The following HSP90AB1 variants were observed in gnomAD, a reference collection of about 807,000 sequenced individuals.
The protein encoded by HSP90AB1 is heat shock protein 90 alpha family class B member 1.
In HSP90AB1, 17 loss-of-function variants were observed where a neutral mutation model predicts 67.8. The ratio of observed to expected loss-of-function variants is 0.25; its 90% CI spans 0.17 to 0.38. The LOEUF is 0.38. Ranked by LOEUF, HSP90AB1 falls within the 10% of genes least tolerant of loss-of-function variation. The pLI is 1.00. For synonymous variants in HSP90AB1, 390 were observed against 312.9 expected, an observed-to-expected ratio of 1.25 and a Z score of -2.60; for missense variants, 690 against 899.9, an observed-to-expected ratio of 0.77 and a Z score of 2.98.
intron 11 of HSP90AB1, 21 bp downstream of exon 11, chr6:44,253,399 G>C: frequency 1.2e-6 from 2 of 1,604,384 alleles, no homozygotes. Context: ...TTGGTACTTG[G>C]TGTGGCAAGG....
Position 44,250,116 on chromosome 6 carries a change from A to C in HSP90AB1, c.610A>C (p.Lys204Gln). The C allele has an allele frequency of 1.2e-6, 2 of 1,614,206 alleles. No homozygotes were observed. The highest frequency in any genetic ancestry group is 1.7e-6 in the Non-Finnish European group (2 of 1,180,036). The change falls in exon 5 of 12, where the codon AAG (lysine) becomes CAG (glutamine). Residue 204 changes from lysine (K) to glutamine (Q), a missense_variant. By Grantham distance (53) the Lys-to-Gln change is moderately conservative. Coordinates refer to ENST00000371646, the MANE Select transcript of HSP90AB1 (RefSeq NM_007355.4). ...GAGGCGGGTCAAAGAAGTAGTGAAG[A>C]AGCATTCTCAGTTCATAGGCTATCC... ...EERRVKEVVK[K>Q]HSQFIGYPIT...
At chr6:44,252,852 T>G (rs999778915) in intron 10 of HSP90AB1, among the ~76,000 whole-genome samples, 193 bp from the exon 11 acceptor site, 2 of 151,798 alleles carry the variant, frequency 1.3e-5, no homozygotes, top group East Asian at 3.9e-4. Context: ...GTCTCCTGAG[T>G]GGCTGGGATT....
At chr6:44,253,428 C>T (rs768058451) in intron 11 of HSP90AB1, 50 bp downstream of exon 11, 34 of 1,603,386 alleles carry the variant, frequency 2.1e-5, no homozygotes, top group East Asian at 8.9e-5. Flanking sequence ...CAACTCGTCT[C>T]CTCTATGGAT....
At chr6:44,252,369 C>A in intron 10 of HSP90AB1, 102 bp downstream of exon 10, 1 of 1,029,008 alleles carries the variant, frequency 9.7e-7, no homozygotes, top group East Asian at 2.4e-5. Context: ...AGCCTATTTA[C>A]TGTTTCATGC....
At chr6:44,251,391 G>A (rs370536629) in intron 7 of HSP90AB1, 27 bp from the exon 8 acceptor site, 39 of 1,589,062 alleles carry the variant, frequency 2.5e-5, no homozygotes, top group Non-Finnish European at 3.3e-5. Context: ...GTTTTTTACT[G>A]AGCTTTCTCA....
rs746729917 is a variant in HSP90AB1, at chr6:44,253,565, TGAG to T, written c.2145_2147del (p.Glu715del). On this transcript the variant is annotated inframe_deletion, in exon 12 of 12. Transcript: ENST00000371646. ...ATGAGATCCCCCCTCTCGAGGGCGA[TGAG>T]GATGCGTCTCGCATGGAAGAAGTCG... is the stretch of plus-strand genomic sequence containing the variant. The T allele has an allele frequency of 4.2e-5, 67 of 1,613,936 alleles. No individual in the cohort carries two copies. The highest frequency in any genetic ancestry group is 5.7e-5 in the Non-Finnish European group (67 of 1,179,918).
chr6:44,246,878 T>C (rs1486404536), upstream of HSP90AB1, among the ~76,000 whole-genome samples: 9 of 152,190 alleles, frequency 5.9e-5, no homozygotes, highest in African/African-American at 1.9e-4. Flanking sequence ...AGTCATGTCC[T>C]AGACGTGAAA....
At chr6:44,248,596 T>C in intron 1 of HSP90AB1, 34 bp from the exon 2 acceptor site, 2 of 1,590,640 alleles carry the variant, frequency 1.3e-6, no homozygotes, top group Non-Finnish European at 8.6e-7. Flanking sequence ...GGGGCCTTAG[T>C]GTTCTTTTGT....
At position 44,251,407 on chromosome 6, in the gene HSP90AB1, G is replaced by A. The variant is rs768880156; in HGVS notation, c.1124-11G>A. On this transcript the variant is annotated splice_polypyrimidine_tract_variant and intron_variant, in intron 7 of 11. Coordinates refer to ENST00000371646, the MANE Select transcript of HSP90AB1 (RefSeq NM_007355.4). ...TTTTTTACTGAGCTTTCTCACCCTG[G>A]TTGATGGCAGATTTTATCCGTGGTG... The A allele has an allele frequency of 6.3e-7, 1 of 1,598,248 alleles. No homozygotes were observed. The highest frequency in any genetic ancestry group is 8.5e-7 in the Non-Finnish European group (1 of 1,171,100).
intron 8 of HSP90AB1, 43 bp downstream of exon 8, chr6:44,251,651 G>A (rs1412879333): frequency 7.6e-6 from 12 of 1,586,888 alleles, no homozygotes; most frequent in Non-Finnish European, 8.6e-7. Flanking sequence ...CACTTTCTTA[G>A]TAATAACAAT....
Position 44,253,573 on chromosome 6 carries a change from CGTCTCGCATGGA to C in HSP90AB1, c.2151_2162del (p.Ser718_Glu721del). On this transcript the variant is annotated inframe_deletion, in exon 12 of 12. Transcript: ENST00000371646. ...CCCCCTCTCGAGGGCGATGAGGATG[CGTCTCGCATGGA>C]AGAAGTCGATTAGGTTAGGAGTTCA... 1 of 1,613,776 alleles carries C rather than the reference CGTCTCGCATGGA, an allele frequency of 6.2e-7. No homozygotes were observed. The highest frequency in any genetic ancestry group is 8.5e-7 in the Non-Finnish European group (1 of 1,179,630).
chr6:44,251,724 C>T lies in HSP90AB1; in HGVS notation c.1315-13C>T. 3.1e-6 allele frequency: 5 copies of T among 1,610,632 alleles called. No homozygotes were observed. Among genetic ancestry groups the T allele is most frequent in the Non-Finnish European group, 4.2e-6 (5 of 1,178,232 alleles). ...GTTAAGCTGGATTGTTTTTCCTCTT[C>T]CCACCCTTCAAGCTTGGAATCCACG... On this transcript the variant is annotated splice_polypyrimidine_tract_variant and intron_variant, in intron 8 of 11. Transcript: ENST00000371646.
rs1561901043 is a variant in HSP90AB1 at position 44,252,100 on chromosome 6, G to A, written c.1564G>A (p.Val522Met). 1.2e-6 allele frequency: 2 copies of A among 1,614,182 alleles called. No individual in the cohort carries two copies. The highest frequency in any genetic ancestry group is 1.7e-6 in the Non-Finnish European group (2 of 1,180,034). ...GACCGAGCCCATTGACGAGTACTGT[G>A]TGCAGCAGCTCAAGGAATTTGATGG... is the stretch of plus-strand genomic sequence containing the variant. ...YMTEPIDEYC[V>M]QQLKEFDGKS... Residue 522 changes from valine (V) to methionine (M), a missense_variant, in exon 10 of 12, where the codon GTG (valine) becomes ATG (methionine). Around this residue, in one of 7 missense-constraint regions of HSP90AB1, gnomAD observed 206 missense variants for 221.4 expected, o/e 0.93. Transcript: ENST00000371646.
intron 1 of HSP90AB1, chr6:44,247,760 G>A (rs1178915194): frequency 6.6e-6 from 1 of 152,262 alleles, no homozygotes; most frequent in South Asian, 2.1e-4. Context: ...GTGGAGGAGG[G>A]GCGGGGAGGG....
At position 44,251,561 on chromosome 6, in the gene HSP90AB1, A is replaced by G; in HGVS notation, c.1267A>G (p.Lys423Glu). 1 of 1,610,094 alleles carries G rather than the reference A, an allele frequency of 6.2e-7. No individual in the cohort carries two copies. Among genetic ancestry groups the G allele is most frequent in the Non-Finnish European group, 8.5e-7 (1 of 1,177,622 alleles). The change falls in exon 8 of 12, where the codon AAG (lysine) becomes GAG (glutamate). Residue 423 changes from lysine (K) to glutamate (E), a missense_variant. Physicochemically the swap from Lys to Glu is moderately conservative, Grantham distance 56. Transcript: ENST00000371646. Reference protein sequence around the residue: ...LELFSELAEDKENYKKFYEAF... With the variant: ...LELFSELAEDEENYKKFYEAF... ...GCTCTTCTCTGAGCTGGCAGAAGACAAGGAGAATTACAAGAAATTCTATGA... is the reference window on the plus strand; with the variant it reads ...GCTCTTCTCTGAGCTGGCAGAAGACGAGGAGAATTACAAGAAATTCTATGA...
At position 44,252,090 on chromosome 6, in the gene HSP90AB1, C is replaced by T. The variant is rs767688306; in HGVS notation, c.1554C>T (p.Asp518=). ...TGGTATATATGACCGAGCCCATTGA[C>T]GAGTACTGTGTGCAGCAGCTCAAGG... ...FEVVYMTEPI[D]EYCVQQLKEF... The change falls in exon 10 of 12, where the codon GAC becomes GAT. Residue 518 remains aspartate (D), a synonymous_variant. Transcript: ENST00000371646. 9 of 1,614,016 alleles carry T rather than the reference C, an allele frequency of 5.6e-6. No homozygotes were observed. The East Asian group carries it at 1.3e-4, about 24-fold the overall frequency.
In HSP90AB1 at chr6:44,251,028, T is replaced by C. The variant is rs765309498; in HGVS notation, c.958-20T>C. 1 of 1,611,804 alleles carries C rather than the reference T, an allele frequency of 6.2e-7. No homozygotes were observed. The highest frequency in any genetic ancestry group is 8.5e-7 in the Non-Finnish European group (1 of 1,177,968). On this transcript the variant is annotated intron_variant, in intron 6 of 11. Transcript: ENST00000371646. ...AAGGTCCTCTTTTGAAATGTACCAC[T>C]TATTTTTGGTTTCTTTCAGCACTTT...
At chr6:44,248,336 C>G (rs1780218376) in intron 1 of HSP90AB1, among the ~76,000 whole-genome samples, 2 of 152,250 alleles carry the variant, frequency 1.3e-5, no homozygotes, top group African/African-American at 4.8e-5. Flanking sequence ...TTCTGCCATA[C>G]TACCAGATGA....
chr6:44,248,704 G>T lies in HSP90AB1; in HGVS notation c.75G>T (p.Met25Ile). ...TTCAGGCAGAAATTGCCCAACTCAT[G>T]TCCCTCATCATCAATACCTTCTATT... ...FAFQAEIAQL[M>I]SLIINTFYSN... Residue 25 changes from methionine to isoleucine, a missense_variant, in exon 2 of 12, where the codon ATG becomes ATT. Met to Ile is a conservative substitution (Grantham distance 10). This residue lies in a region of HSP90AB1 where 88 missense variants were observed against 167.7 expected (regional missense o/e 0.52). Coordinates refer to ENST00000371646, the MANE Select transcript of HSP90AB1 (RefSeq NM_007355.4). The T allele has an allele frequency of 6.2e-7, 1 of 1,613,954 alleles. No individual in the cohort carries two copies.
Sources: allele counts gnomAD v4.1 joint callset (sites outside exome capture counted in the v4.1 genomes callset), GRCh38; gene constraint gnomAD v4.1.1; regional missense constraint gnomAD v4.1.1; transcripts MANE v1.5; gene names NCBI Gene and HGNC (gene_info 2026-07-23, HGNC 2026-07-21).